The following SH3RF1 variants were observed in gnomAD, a reference collection of about 807,000 sequenced individuals.
The protein encoded by SH3RF1 is E3 ubiquitin-protein ligase SH3RF1.
Under a neutral mutation model 74.0 loss-of-function variants are expected in SH3RF1, and 32 were observed. The ratio of observed to expected loss-of-function variants is 0.43; its 90% CI spans 0.33 to 0.58. The LOEUF is 0.58. Ranked by LOEUF, SH3RF1 falls within the 20% of genes least tolerant of loss-of-function variation. SH3RF1 has a pLI of 0.05. For synonymous variants in SH3RF1, 396 were observed against 439.6 expected (o/e 0.90, Z 1.24); for missense variants, 954 against 1,130.9 (o/e 0.84, Z 2.24).
At chr4:169,221,288 G>C (rs1730560262) in intron 2 of SH3RF1, among the ~76,000 whole-genome samples, 2 of 151,986 alleles carry the variant, frequency 1.3e-5, no homozygotes, top group South Asian at 4.2e-4. Flanking sequence ...TTTATAAACA[G>C]AACTCTGAGA....
intron 2 of SH3RF1, among the ~76,000 whole-genome samples, chr4:169,165,900 C>T (rs1296394836): frequency 6.6e-6 from 1 of 151,856 alleles, no homozygotes; most frequent in Non-Finnish European, 1.5e-5. Context: ...AATTAGAAGC[C>T]CATGGGGAAT....
intron 2 of SH3RF1, among the ~76,000 whole-genome samples, chr4:169,168,510 T>G (rs1734280314): frequency 6.6e-6 from 1 of 152,222 alleles, no homozygotes; most frequent in Non-Finnish European, 1.5e-5. Flanking sequence ...ACAGCAGTAT[T>G]ATTCTAGAAT....
chr4:169,126,600 GT>G (rs200854924), intron 6 of SH3RF1, among the ~76,000 whole-genome samples: 2 of 151,524 alleles, frequency 1.3e-5, no homozygotes, highest in African/African-American at 4.9e-5. Context: ...TTTTATTTTT[GT>G]TTTTTTTAGG....
At chr4:169,232,872 A>G (rs1730765439) in intron 2 of SH3RF1, among the ~76,000 whole-genome samples, 4 of 152,196 alleles carry the variant, frequency 2.6e-5, no homozygotes, top group Admixed American at 2.6e-4. Context: ...TAAACTCTGA[A>G]CATATAATCT....
At chr4:169,192,046 G>T (rs1265452862) in intron 2 of SH3RF1, among the ~76,000 whole-genome samples, 1 of 152,036 alleles carries the variant, frequency 6.6e-6, no homozygotes, top group East Asian at 1.9e-4. Flanking sequence ...TAAATAGCTG[G>T]GACTTAATTA....
Position 169,116,283 on chromosome 4 carries a change from C to T in SH3RF1, c.2125G>A (p.Asp709Asn). 2 of 1,608,236 alleles carry T rather than the reference C, an allele frequency of 1.2e-6. No individual in the cohort carries two copies. The highest frequency in any genetic ancestry group is 1.7e-6 in the Non-Finnish European group (2 of 1,176,512). Residue 709 changes from aspartate (D) to asparagine (N), a missense_variant, in exon 10 of 12, where the codon GAC becomes AAC. Coordinates refer to ENST00000284637, the MANE Select transcript of SH3RF1 (RefSeq NM_020870.4). ...TATGGTCTTACTTTGCTATCCTTGT[C>T]TGGTTTGGTTGCTGAACTGTTCCCA... ...ACGNSSATKP[D>N]KDSKKEKKGL...
chr4:169,256,512 G>T (rs1191954242), intron 2 of SH3RF1, among the ~76,000 whole-genome samples: 7 of 152,304 alleles, frequency 4.6e-5, no homozygotes, highest in South Asian at 2.1e-4. Context: ...AAAACAGAAC[G>T]AAATGTTCTA....
chr4:169,207,261 T>C (rs191086231), intron 2 of SH3RF1, among the ~76,000 whole-genome samples: 2 of 152,178 alleles, frequency 1.3e-5, no homozygotes, highest in Admixed American at 1.3e-4. Context: ...ACGCCACCTC[T>C]ACAAAAAATA....
At chr4:169,216,123 T>C (rs1374405461) in intron 2 of SH3RF1, among the ~76,000 whole-genome samples, 1 of 152,188 alleles carries the variant, frequency 6.6e-6, no homozygotes, top group East Asian at 1.9e-4. Context: ...GGTAATGTAG[T>C]ATCTGTGATA....
intron 2 of SH3RF1, among the ~76,000 whole-genome samples, chr4:169,226,620 C>T (rs1456585083): frequency 1.3e-5 from 2 of 152,174 alleles, no homozygotes; most frequent in African/African-American, 4.8e-5. Context: ...AGGCACACAA[C>T]AGCAGCAAAT....
intron 4 of SH3RF1, among the ~76,000 whole-genome samples, chr4:169,154,284 T>A (rs942719642): frequency 6.6e-6 from 1 of 152,148 alleles, no homozygotes. Flanking sequence ...GACTCATACA[T>A]GGTTTGAATT....
chr4:169,169,701 T>C lies in SH3RF1; in HGVS notation c.394-13022A>G, dbSNP rs181538822. On this transcript the variant is annotated intron_variant, in intron 2 of 11. Transcript: ENST00000284637. ...GAAGATCTTTGGACCACTTAAAAAT[T>C]TTTTATTTAATCAAAATTTACTGTT... Among the ~76,000 whole-genome samples, 928 of 152,238 alleles carry C rather than the reference T, an allele frequency of 6.1e-3. 7 individuals carry two copies. The highest frequency in any genetic ancestry group is 7.7e-3 in the Non-Finnish European group (522 of 68,024).
intron 2 of SH3RF1, among the ~76,000 whole-genome samples, chr4:169,214,184 T>A (rs1362340184): frequency 6.6e-6 from 1 of 152,194 alleles, no homozygotes; most frequent in Non-Finnish European, 1.5e-5. Flanking sequence ...CTTGCAATAA[T>A]GAGTGAGCTC....
chr4:169,267,052 A>G (rs1286227819), intron 2 of SH3RF1, among the ~76,000 whole-genome samples: 2 of 152,258 alleles, frequency 1.3e-5, no homozygotes, highest in African/African-American at 4.8e-5. Flanking sequence ...CCAGAAAAAT[A>G]ATACTAACAT....
intron 2 of SH3RF1, among the ~76,000 whole-genome samples, chr4:169,234,269 C>T (rs2127008988): frequency 6.6e-6 from 1 of 152,094 alleles, no homozygotes; most frequent in South Asian, 2.1e-4. Flanking sequence ...TGGGTAGATA[C>T]CAGGTATGCT....
rs901599379 is a variant in SH3RF1 at position 169,094,320 on chromosome 4, G to A, written c.*2199C>T. On this transcript the variant is annotated 3_prime_UTR_variant, in exon 12 of 12. Coordinates refer to ENST00000284637, the MANE Select transcript of SH3RF1 (RefSeq NM_020870.4). ...TATCCAGTCCTCAAATTATTAACAT[G>A]AAAAGGAGTGATAAATCGCAATTTT... 6.6e-6 allele frequency: 1 copy of A among 151,962 alleles called. No homozygotes were observed. The highest frequency in any genetic ancestry group is 2.4e-5 in the African/African-American group (1 of 41,378). 9.4% of individuals were successfully genotyped at this position (151,962 alleles called of 1,614,324 possible).
chr4:169,224,001 A>G (rs1010129044), intron 2 of SH3RF1, among the ~76,000 whole-genome samples: 12 of 152,218 alleles, frequency 7.9e-5, no homozygotes, highest in African/African-American at 2.7e-4. Flanking sequence ...GTAAGAATGA[A>G]TGTTTCTCCT....
chr4:169,179,024 A>G (rs1734467209), intron 2 of SH3RF1, among the ~76,000 whole-genome samples: 1 of 152,250 alleles, frequency 6.6e-6, no homozygotes, highest in Non-Finnish European at 1.5e-5. Context: ...CCCCCAAAGT[A>G]GACCACACCC....
At chr4:169,234,797 TTC>T (rs528071299) in intron 2 of SH3RF1, among the ~76,000 whole-genome samples, 82 of 152,306 alleles carry the variant, frequency 5.4e-4, no homozygotes, top group Non-Finnish European at 1.0e-3. Context: ...AAGTCGGGGT[TTC>T]TCAGTCTTGG....
Sources: allele counts gnomAD v4.1 joint callset (sites outside exome capture counted in the v4.1 genomes callset), GRCh38; gene constraint gnomAD v4.1.1; transcripts MANE v1.5; gene names NCBI Gene and HGNC (gene_info 2026-07-23, HGNC 2026-07-21).